The following DGKD variants were observed in gnomAD, a reference collection of about 807,000 sequenced individuals.
DGKD encodes the protein DAG kinase delta.
Under a neutral mutation model 154.4 loss-of-function variants are expected in DGKD, and 68 were observed. The ratio of observed to expected loss-of-function variants is 0.44; its 90% CI spans 0.36 to 0.54. DGKD has a LOEUF of 0.54. Ranked by LOEUF, DGKD falls within the 20% of genes least tolerant of loss-of-function variation. The pLI is 0.00. For synonymous variants in DGKD, 693 were observed against 638.0 expected, an observed-to-expected ratio of 1.09 and a Z score of -1.30; for missense variants, 1,343 against 1,593.6, an observed-to-expected ratio of 0.84 and a Z score of 2.68.
chr2:233,385,898 T>A (rs1703145045), intron 1 of DGKD: 1 of 401,762 alleles, frequency 2.5e-6, no homozygotes, highest in Non-Finnish European at 4.9e-6. Context: ...CCACCAGTCT[T>A]TTTCTGAGCA....
At chr2:233,360,984 G>GTTTT (rs10580286) in intron 1 of DGKD, among the ~76,000 whole-genome samples, 1 of 129,096 alleles carries the variant, frequency 7.7e-6, no homozygotes, top group African/African-American at 3.2e-5. Context: ...AGACAGTCAA[G>GTTTT]TTTTTTTTTT....
chr2:233,415,562 T>G (rs2061940344), intron 3 of DGKD, among the ~76,000 whole-genome samples: 1 of 152,196 alleles, frequency 6.6e-6, no homozygotes, highest in African/African-American at 2.4e-5. Flanking sequence ...TTATCTCTGA[T>G]CTTGATTTTT....
chr2:233,395,449 C>T (rs1049222641), intron 3 of DGKD, among the ~76,000 whole-genome samples: 1 of 152,140 alleles, frequency 6.6e-6, no homozygotes, highest in African/African-American at 2.4e-5. Context: ...AGGTTACAGG[C>T]ATGAGCCACC....
Position 233,462,352 on chromosome 2 carries a change from C to T in DGKD, c.2986C>T (p.Arg996Ter), listed in dbSNP as rs768647063. The T allele has an allele frequency of 1.9e-6, 3 of 1,597,806 alleles. No individual in the cohort carries two copies. The highest frequency in any genetic ancestry group is 2.6e-6 in the Non-Finnish European group (3 of 1,167,048). The stretch of plus-strand genomic sequence containing the variant: ...CGTGCTTCTCTTCCTCTCTAGTATC[C>T]GAGAAATAGCTCAGTCTCACCGGGA... ...QAAGVLIHSI[R>*]EIAQSHRDME... The change falls in exon 25 of 30, where the codon CGA (arginine) becomes TGA (stop). Residue 996 changes from arginine to a stop codon, truncating the protein, a stop_gained. Coordinates refer to ENST00000264057, the MANE Select transcript of DGKD (RefSeq NM_152879.3). LOFTEE classifies it high-confidence loss of function.
intron 3 of DGKD, among the ~76,000 whole-genome samples, chr2:233,408,200 A>C (rs2061733819): frequency 1.3e-5 from 2 of 152,032 alleles, no homozygotes; most frequent in Admixed American, 1.3e-4. Flanking sequence ...GTACCACTAC[A>C]CCTGGCAAAC....
At chr2:233,425,409 G>A (rs895230511) in intron 3 of DGKD, among the ~76,000 whole-genome samples, 6 of 152,056 alleles carry the variant, frequency 3.9e-5, no homozygotes, top group Non-Finnish European at 7.4e-5. Flanking sequence ...GGATGGTCTC[G>A]ATCTCCTGAC....
chr2:233,400,306 G>A (rs968280010), intron 3 of DGKD, among the ~76,000 whole-genome samples: 6 of 152,260 alleles, frequency 3.9e-5, no homozygotes, highest in African/African-American at 7.2e-5. Context: ...ACAGGACAGC[G>A]GGAGGCAGTC....
Position 233,454,830 on chromosome 2 carries a change from C to T in DGKD, c.2332C>T (p.Leu778=), listed in dbSNP as rs148088409. ...CATTGGCCTGGATGCGAAGATATCC[C>T]TGGACTTTAACAACAAGCGCGATGA... ...FGIGLDAKIS[L]DFNNKRDEHP... Residue 778 remains leucine, a synonymous_variant, in exon 19 of 30, where the codon CTG becomes TTG. Transcript: ENST00000264057. The T allele has an allele frequency of 6.2e-7, 1 of 1,613,932 alleles. No homozygotes were observed. The highest frequency in any genetic ancestry group is 1.1e-5 in the South Asian group (1 of 91,084).
At chr2:233,419,221 C>G (rs1351374607) in intron 3 of DGKD, 2 of 985,688 alleles carry the variant, frequency 2.0e-6, no homozygotes, top group Non-Finnish European at 2.4e-6. Flanking sequence ...CATCCTGCCC[C>G]CAGCACCGTC....
Position 233,416,942 on chromosome 2 carries a change from C to T in DGKD, c.349-17438C>T, listed in dbSNP as rs1026513491. Among the ~76,000 whole-genome samples, 7 of 152,352 alleles carry T rather than the reference C, an allele frequency of 4.6e-5. No individual in the cohort carries two copies. In the East Asian group the frequency reaches 9.6e-4, roughly 21 times the overall value. ...CAGCCCTGGACATGAAGCTTCTGGT[C>T]TTACTTCTCCCACCTTCCTGCTACG... is the stretch of plus-strand genomic sequence containing the variant. On this transcript the variant is annotated intron_variant, in intron 3 of 29. Transcript: ENST00000264057.
intron 16 of DGKD, 134 bp from the exon 17 acceptor site, chr2:233,450,788 C>T: frequency 1.8e-6 from 2 of 1,138,404 alleles, no homozygotes; most frequent in South Asian, 1.5e-5. Context: ...TTGTCCCACA[C>T]ACTTCACGCA....
chr2:233,469,115 T>C (rs956325681), intron 29 of DGKD, among the ~76,000 whole-genome samples: 24 of 152,228 alleles, frequency 1.6e-4, no homozygotes, highest in Non-Finnish European at 2.1e-4. Flanking sequence ...ATCCACTTGC[T>C]TTTAGGCCTG....
chr2:233,362,282 G>C (rs1284702210), intron 1 of DGKD, among the ~76,000 whole-genome samples: 1 of 152,184 alleles, frequency 6.6e-6, no homozygotes, highest in African/African-American at 2.4e-5. Context: ...GACAGATATA[G>C]TAAGAAGGTC....
At chr2:233,362,566 G>A (rs1410808582) in intron 1 of DGKD, among the ~76,000 whole-genome samples, 1 of 152,112 alleles carries the variant, frequency 6.6e-6, no homozygotes, top group Non-Finnish European at 1.5e-5. Flanking sequence ...CAGGAGCATC[G>A]CTTGAACCTG....
At chr2:233,422,463 G>A (rs2062152981) in intron 3 of DGKD, among the ~76,000 whole-genome samples, 4 of 152,184 alleles carry the variant, frequency 2.6e-5, no homozygotes, top group South Asian at 2.1e-4. Context: ...AGGGACAGGC[G>A]GGGCAGCTGG....
intron 24 of DGKD, among the ~76,000 whole-genome samples, chr2:233,461,063 C>T (rs2063619135): frequency 6.6e-6 from 1 of 152,128 alleles, no homozygotes; most frequent in African/African-American, 2.4e-5. Flanking sequence ...TTTCCTCTCA[C>T]CTGCCTTCTA....
At chr2:233,363,893 T>C (rs1460498223) in intron 1 of DGKD, among the ~76,000 whole-genome samples, 7 of 152,232 alleles carry the variant, frequency 4.6e-5, no homozygotes, top group African/African-American at 1.2e-4. Flanking sequence ...TTTGTGAAAG[T>C]ACACTCTGTG....
intron 3 of DGKD, among the ~76,000 whole-genome samples, chr2:233,433,010 G>A (rs140131789): frequency 5.7e-4 from 87 of 152,304 alleles, no homozygotes; most frequent in African/African-American, 2.0e-3. Context: ...AATTAGCACA[G>A]CCACCATGGA....
chr2:233,435,099 G>A (rs1372081338), intron 5 of DGKD, among the ~76,000 whole-genome samples, 198 bp downstream of exon 5: 1 of 152,178 alleles, frequency 6.6e-6, no homozygotes, highest in Non-Finnish European at 1.5e-5. Flanking sequence ...TTTTTATAGT[G>A]CTCAGAGTGA....
Sources: gnomAD v4.1 joint callset for allele counts (sites outside exome capture counted in the v4.1 genomes callset) on GRCh38, gnomAD v4.1.1 for gene constraint, MANE v1.5 for transcripts, NCBI Gene and HGNC (gene_info 2026-07-23, HGNC 2026-07-21) for gene names.